Variants in YLPM1 observed in about 807,000 individuals in gnomAD.
YLPM1 encodes the protein YLP motif containing 1.
YLPM1 carries 99 observed loss-of-function variants against 230.0 expected under a neutral mutation model. That is an observed-to-expected ratio of 0.43 (90% confidence interval 0.37 to 0.51). YLPM1 has a LOEUF of 0.51. YLPM1 is among the 20% of genes least tolerant of loss of function. YLPM1 has a pLI of 0.00. For missense variants in YLPM1, 2,592 were observed against 2,707.7 expected (o/e 0.96, Z 0.95); for synonymous variants, 984 against 942.5 (o/e 1.04, Z -0.81).
intron 1 of YLPM1, among the ~76,000 whole-genome samples, chr14:74,771,385 C>G (rs2090974649): frequency 6.6e-6 from 1 of 152,126 alleles, no homozygotes; most frequent in Non-Finnish European, 1.5e-5. Flanking sequence ...AAGCCTAGCT[C>G]CACAAATAGC....
In YLPM1 at chr14:74,798,942, A is replaced by G; in HGVS notation, c.3645A>G (p.Arg1215=). The G allele has an allele frequency of 6.2e-7, 1 of 1,613,938 alleles. No individual in the cohort carries two copies. ...PLDGRNAPME[R]ERLDDWDRER... ...ATGGTAGAAATGCTCCAATGGAACG[A>G]GAAAGACTCGATGACTGGGATAGAG... The change falls in exon 5 of 21, where the codon CGA becomes CGG. Residue 1215 remains arginine, a synonymous_variant. Coordinates refer to ENST00000325680, the MANE Select transcript of YLPM1 (RefSeq NM_019589.3).
intron 11 of YLPM1, among the ~76,000 whole-genome samples, chr14:74,813,163 T>C (rs570217901): frequency 1.3e-5 from 2 of 152,256 alleles, no homozygotes; most frequent in Non-Finnish European, 2.9e-5. Flanking sequence ...ATTAAATTTG[T>C]CTTATTACAG....
In YLPM1 at chr14:74,797,737, C is replaced by G. The variant is rs772933237; in HGVS notation, c.2440C>G (p.Arg814Gly). ...GTKSKWGMIP[R>G]GPASQFYITP... is the part of the protein sequence containing the mutation. ...TAAAAGCAAGTGGGGAATGATTCCC[C>G]GGGGGCCAGCATCTCAATTTTATAT... is the stretch of plus-strand genomic sequence containing the variant. The change falls in exon 5 of 21, where the codon CGG becomes GGG. Residue 814 changes from arginine to glycine, a missense_variant. By Grantham distance (125) the Arg-to-Gly change is moderately radical. Transcript: ENST00000325680. The G allele has an allele frequency of 6.2e-7, 1 of 1,613,526 alleles. No individual in the cohort carries two copies. Among genetic ancestry groups the G allele is most frequent in the East Asian group, 2.2e-5 (1 of 44,860 alleles).
At chr14:74,780,984 G>T (rs924132774) in intron 3 of YLPM1, among the ~76,000 whole-genome samples, 1 of 152,160 alleles carries the variant, frequency 6.6e-6, no homozygotes, top group African/African-American at 2.4e-5. Context: ...ACTTGTTTGT[G>T]TTGTATCTTT....
chr14:74,779,368 G>A (rs145899820), intron 2 of YLPM1, among the ~76,000 whole-genome samples: 42 of 151,250 alleles, frequency 2.8e-4, no homozygotes, highest in African/African-American at 9.4e-4. Context: ...TAACCATTCT[G>A]TGCTTCAATT....
chr14:74,777,579 AT>A, intron 1 of YLPM1, among the ~76,000 whole-genome samples: 1 of 151,920 alleles, frequency 6.6e-6, no homozygotes, highest in African/African-American at 2.4e-5. Flanking sequence ...AAAAAAAAAA[AT>A]AAATAAAACA....
rs940867899 is a variant in YLPM1, at chr14:74,798,052, G to A, written c.2755G>A (p.Val919Ile). The change falls in exon 5 of 21, where the codon GTA (valine) becomes ATA (isoleucine). Residue 919 changes from valine to isoleucine, a missense_variant. Physicochemically the swap from Val to Ile is conservative, Grantham distance 29. Transcript: ENST00000325680. ...PPKSEVSEGP[V>I]EPSNWDQNVQ... ...TAAAAGTGAAGTCTCGGAAGGGCCC[G>A]TAGAGCCCTCTAATTGGGACCAGAA... The A allele has an allele frequency of 1.1e-5, 18 of 1,613,766 alleles. No individual in the cohort carries two copies. The highest frequency in any genetic ancestry group is 4.0e-5 in the African/African-American group (3 of 74,880).
At chr14:74,816,058 C>CTG (rs2091475372) in intron 11 of YLPM1, 145 bp from the exon 12 acceptor site, 2 of 641,266 alleles carry the variant, frequency 3.1e-6, no homozygotes, top group Non-Finnish European at 5.1e-6. Context: ...TATATTATTT[C>CTG]TGTCCTTTCA....
At chr14:74,834,499 A>C (rs918384581) in intron 19 of YLPM1, among the ~76,000 whole-genome samples, 1 of 152,222 alleles carries the variant, frequency 6.6e-6, no homozygotes, top group Non-Finnish European at 1.5e-5. Flanking sequence ...GGATAATTAT[A>C]CTACGGTGTG....
intron 5 of YLPM1, among the ~76,000 whole-genome samples, chr14:74,800,522 A>AT (rs775953947): frequency 1.3e-5 from 2 of 152,192 alleles, no homozygotes; most frequent in Non-Finnish European, 2.9e-5. Flanking sequence ...TTTTAAAGCA[A>AT]TTTTTTTGAG....
chr14:74,769,128 T>C (rs2090945074), intron 1 of YLPM1, among the ~76,000 whole-genome samples: 1 of 151,414 alleles, frequency 6.6e-6, no homozygotes, highest in Non-Finnish European at 1.5e-5. Context: ...CAGGCTGGAG[T>C]GCAGTGGCGC....
At chr14:74,764,526 T>C (rs562142378) in intron 1 of YLPM1, among the ~76,000 whole-genome samples, 164 bp downstream of exon 1, 1 of 152,278 alleles carries the variant, frequency 6.6e-6, no homozygotes, top group South Asian at 2.1e-4. Flanking sequence ...GCTTTTTAAT[T>C]AGCTAGATGT....
At chr14:74,803,308 A>G (rs1039179717) in intron 6 of YLPM1, among the ~76,000 whole-genome samples, 32 of 152,130 alleles carry the variant, frequency 2.1e-4, no homozygotes, top group African/African-American at 7.0e-4. Context: ...GCATGCCAGG[A>G]CTTCTTTTAT....
At chr14:74,768,768 G>A (rs1254866302) in intron 1 of YLPM1, among the ~76,000 whole-genome samples, 1 of 152,142 alleles carries the variant, frequency 6.6e-6, no homozygotes, top group African/African-American at 2.4e-5. Flanking sequence ...TTGACTTCTT[G>A]TTTCAGTTGT....
In YLPM1 at chr14:74,763,952, G is replaced by T; in HGVS notation, c.463G>T (p.Gly155Trp). 1 of 1,436,224 alleles carries T rather than the reference G, an allele frequency of 7.0e-7. No homozygotes were observed. Among genetic ancestry groups the T allele is most frequent in the Non-Finnish European group, 9.1e-7 (1 of 1,096,954 alleles). The allele number at this position is 1,436,224 out of a possible 1,614,324, so 89.0% of individuals were successfully genotyped here. A position where few individuals can be genotyped will look rare whatever the true frequency, so the allele number is the denominator to read the frequency against. The change falls in exon 1 of 21, where the codon GGG becomes TGG. Residue 155 changes from glycine (G) to tryptophan (W), a missense_variant. Transcript: ENST00000325680. ...SPPESPPVPP[G>W]SYMPPSQSYM... The stretch of plus-strand genomic sequence containing the variant: ...CCCTGAATCTCCCCCTGTGCCGCCT[G>T]GGTCCTATATGCCCCCATCTCAGTC...
intron 2 of YLPM1, among the ~76,000 whole-genome samples, chr14:74,779,784 T>TCTTCC (rs1423362607): frequency 1.4e-5 from 2 of 146,522 alleles, no homozygotes; most frequent in African/African-American, 2.6e-5. Context: ...CTGGGACCTC[T>TCTTCC]CTTCCCTCCC....
chr14:74,817,338 T>C, intron 15 of YLPM1, 61 bp downstream of exon 15: 10 of 1,464,942 alleles, frequency 6.8e-6, no homozygotes, highest in Non-Finnish European at 9.3e-6. Flanking sequence ...GATGTTTTGG[T>C]TAAGGAAGGA....
intron 1 of YLPM1, among the ~76,000 whole-genome samples, chr14:74,773,379 G>A (rs570434463): frequency 1.3e-5 from 2 of 152,172 alleles, no homozygotes; most frequent in African/African-American, 4.8e-5. Flanking sequence ...CCCTGGTCTG[G>A]ATCTAAGACA....
chr14:74,788,221 C>T (rs1003038720), intron 4 of YLPM1, among the ~76,000 whole-genome samples: 18 of 151,896 alleles, frequency 1.2e-4, no homozygotes, highest in Admixed American at 2.6e-4. Context: ...CCCAGGTTCA[C>T]GCCATTCTCC....
Sources: allele counts gnomAD v4.1 joint callset (sites outside exome capture counted in the v4.1 genomes callset), GRCh38; gene constraint gnomAD v4.1.1; transcripts MANE v1.5; gene names NCBI Gene and HGNC (gene_info 2026-07-23, HGNC 2026-07-21).